The following ELF1 variants were observed in gnomAD, a reference collection of about 807,000 sequenced individuals.
The protein encoded by ELF1 is E74 like ETS transcription factor 1.
Under a neutral mutation model 59.9 loss-of-function variants are expected in ELF1, and 24 were observed. That is an observed-to-expected ratio of 0.40 (90% CI 0.29 to 0.56). The LOEUF (loss-of-function observed/expected upper bound fraction) is 0.56, where lower values mean the gene tolerates loss of function less well. ELF1 is among the 20% of genes least tolerant of loss of function. ELF1 has a pLI of 0.44. For missense variants in ELF1, 627 were observed against 742.2 expected (o/e 0.84, Z 1.80); for synonymous variants, 248 against 266.2 (o/e 0.93, Z 0.67).
chr13:40,995,311 C>T (rs916415998), intron 1 of ELF1, among the ~76,000 whole-genome samples: 6 of 152,142 alleles, frequency 3.9e-5, no homozygotes, highest in African/African-American at 1.4e-4. Flanking sequence ...TGGCTTCCAT[C>T]ACCTACAGGC....
intron 1 of ELF1, among the ~76,000 whole-genome samples, chr13:41,012,539 T>C (rs1566189303): frequency 2.0e-5 from 3 of 148,390 alleles, no homozygotes; most frequent in African/African-American, 7.4e-5. Context: ...TTTTTTCTTT[T>C]CTTTTCTTTT....
chr13:40,968,756 G>A (rs573513794), intron 2 of ELF1, among the ~76,000 whole-genome samples: 5 of 141,182 alleles, frequency 3.5e-5, no homozygotes, highest in Non-Finnish European at 6.1e-5. Context: ...GTCTTGCTCC[G>A]TTGCCCAGGC....
intron 5 of ELF1, among the ~76,000 whole-genome samples, chr13:40,945,628 A>G (rs1345625466): frequency 3.3e-5 from 5 of 152,170 alleles, no homozygotes; most frequent in African/African-American, 1.2e-4. Flanking sequence ...ATTCTGGAAA[A>G]TTCTTAGTCA....
chr13:41,000,625 T>C (rs1224341283), intron 1 of ELF1, among the ~76,000 whole-genome samples: 1 of 152,154 alleles, frequency 6.6e-6, no homozygotes, highest in Non-Finnish European at 1.5e-5. Flanking sequence ...GGGCACTTAC[T>C]AGATTTAAAA....
intron 1 of ELF1, among the ~76,000 whole-genome samples, chr13:41,009,093 T>G (rs1358120827): frequency 6.6e-6 from 1 of 151,968 alleles, no homozygotes; most frequent in Admixed American, 6.6e-5. Context: ...TGGCTCAAAC[T>G]TGTCCTTTAT....
intron 1 of ELF1, among the ~76,000 whole-genome samples, chr13:41,040,759 G>A (rs1001671839): frequency 4.6e-5 from 7 of 152,134 alleles, no homozygotes; most frequent in Admixed American, 2.6e-4. Context: ...AACAGGCCAC[G>A]GATGGGTACA....
At chr13:40,944,170 A>G (rs1226701764) in intron 5 of ELF1, among the ~76,000 whole-genome samples, 3 of 152,212 alleles carry the variant, frequency 2.0e-5, no homozygotes, top group African/African-American at 4.8e-5. Flanking sequence ...ACCTCAGTTT[A>G]TATCTGTAAA....
At chr13:41,022,777 G>A (rs543108036), upstream of ELF1, among the ~76,000 whole-genome samples, 217 of 152,264 alleles carry the variant, frequency 1.4e-3, 1 homozygote, top group African/African-American at 4.9e-3. Context: ...TACTCAGGAG[G>A]CTGAGGCAGG....
intron 1 of ELF1, among the ~76,000 whole-genome samples, chr13:41,014,713 C>T (rs1230848974): frequency 6.6e-6 from 1 of 152,044 alleles, no homozygotes; most frequent in East Asian, 1.9e-4. Flanking sequence ...AGTAAAGGAG[C>T]AAAATAGTCT....
intron 1 of ELF1, among the ~76,000 whole-genome samples, chr13:41,013,353 C>A (rs1875185613): frequency 6.6e-6 from 1 of 152,114 alleles, no homozygotes; most frequent in Non-Finnish European, 1.5e-5. Flanking sequence ...AATCTAATGC[C>A]ATCAACAAGA....
At chr13:40,941,490 T>G in intron 7 of ELF1, 120 bp from the exon 8 acceptor site, 7 of 859,708 alleles carry the variant, frequency 8.1e-6, no homozygotes, top group Non-Finnish European at 1.1e-5. Flanking sequence ...GAGAAAAGAA[T>G]TTCTAAATAA....
chr13:40,977,615 C>A (rs996323037), intron 2 of ELF1, among the ~76,000 whole-genome samples: 2 of 152,226 alleles, frequency 1.3e-5, no homozygotes, highest in Middle Eastern at 6.8e-3. Flanking sequence ...TAATCTGGTG[C>A]CTTCAGTGAT....
intron 1 of ELF1, among the ~76,000 whole-genome samples, chr13:41,030,297 T>C (rs2138405575): frequency 6.6e-6 from 1 of 152,046 alleles, no homozygotes; most frequent in East Asian, 1.9e-4. Context: ...TTAGATAAGG[T>C]CTGAGAAAAA....
rs182282285 is a variant in ELF1, at chr13:40,996,442, A to G, written c.-228-14160T>C. On this transcript the variant is annotated intron_variant, in intron 1 of 8. Transcript: ENST00000239882. ...TCAGTAGGTGAATAAACTGTAGTGC[A>G]TCCACATAATGAAATATTATTCAGC... Among the ~76,000 whole-genome samples, 80 of 152,342 alleles carry G rather than the reference A, an allele frequency of 5.3e-4. 3 individuals carry two copies. In the East Asian group the frequency reaches 0.015, roughly 29 times the overall value.
intron 4 of ELF1, 59 bp from the exon 5 acceptor site, chr13:40,950,032 T>C (rs1208959122): frequency 7.2e-6 from 10 of 1,380,908 alleles, no homozygotes; most frequent in Non-Finnish European, 8.7e-6. Flanking sequence ...TAAAAAACGA[T>C]TGAGAAAATT....
At chr13:41,047,755 TTCTCAGA>T (rs1876918722) in intron 1 of ELF1, among the ~76,000 whole-genome samples, 1 of 152,218 alleles carries the variant, frequency 6.6e-6, no homozygotes, top group Non-Finnish European at 1.5e-5. Flanking sequence ...AGTCTGACTG[TTCTCAGA>T]TCTCAAACTC....
chr13:40,963,917 A>G (rs948344321), intron 2 of ELF1, among the ~76,000 whole-genome samples: 9 of 152,242 alleles, frequency 5.9e-5, no homozygotes, highest in South Asian at 2.1e-4. Flanking sequence ...AAAAGAAAAA[A>G]AAAAAGAAAG....
rs956082258 is a variant in ELF1 at position 41,040,491 on chromosome 13, T to C, written c.-229+20347A>G. 2.3e-4 allele frequency among the ~76,000 whole-genome samples: 35 copies of C among 152,162 alleles called. 1 individual carries two copies. The highest frequency in any genetic ancestry group is 1.5e-5 in the Non-Finnish European group (1 of 68,030). ...AACCATTTCGGTACCAGGGACAGTT[T>C]TGTGGAAGACAATTTTTTCACGGAT... On this transcript the variant is annotated intron_variant, in intron 1 of 1. Coordinates refer to the ELF1 transcript ENST00000405737.
At position 41,036,993 on chromosome 13, in the gene ELF1, T is replaced by C. The variant is rs1240261483; in HGVS notation, c.-229+23845A>G. 9.9e-5 allele frequency among the ~76,000 whole-genome samples: 15 copies of C among 152,082 alleles called. No individual in the cohort carries two copies. The South Asian group carries it at 1.7e-3, about 17-fold the overall frequency. On this transcript the variant is annotated intron_variant, in intron 1 of 1. Transcript: ENST00000405737. Reference sequence around the variant, plus strand: ...TGGGGAGGGATAGCATTAGGAGATATACCTAATGTAAATGACGAGTTAATG... The same window carrying C: ...TGGGGAGGGATAGCATTAGGAGATACACCTAATGTAAATGACGAGTTAATG...
Sources: allele counts gnomAD v4.1 joint callset (sites outside exome capture counted in the v4.1 genomes callset), GRCh38; gene constraint gnomAD v4.1.1; transcripts MANE v1.5; gene names NCBI Gene and HGNC (gene_info 2026-07-23, HGNC 2026-07-21).